The following SAMSN1 variants were observed in gnomAD, a reference collection of about 807,000 sequenced individuals.
SAMSN1 encodes the protein SAM domain, SH3 domain and nuclear localization signals 1.
In SAMSN1, 31 loss-of-function variants were observed where a neutral mutation model predicts 42.0. The ratio of observed to expected loss-of-function variants is 0.74; its 90% confidence interval spans 0.55 to 1.00. The LOEUF is 1.00. Ranked by LOEUF, SAMSN1 falls within the 50% of genes least tolerant of loss-of-function variation. The pLI is 0.00. For synonymous variants in SAMSN1, 178 were observed against 151.9 expected, an observed-to-expected ratio of 1.17 and a Z score of -1.26; for missense variants, 464 against 439.4, an observed-to-expected ratio of 1.06 and a Z score of -0.50.
chr21:14,525,983 G>GC (rs952804825), intron 1 of SAMSN1, among the ~76,000 whole-genome samples: 12 of 151,792 alleles, frequency 7.9e-5, no homozygotes, highest in East Asian at 3.9e-4. Flanking sequence ...TCCTGCCTCA[G>GC]CCCCCCCGAG....
At chr21:14,502,247 A>C (rs182613782) in intron 5 of SAMSN1, among the ~76,000 whole-genome samples, 1 of 133,848 alleles carries the variant, frequency 7.5e-6, no homozygotes. Flanking sequence ...TAGTCCTGTG[A>C]TCTGTTAGGC....
chr21:14,641,599 C>G (rs455520), intron 2 of SAMSN1, among the ~76,000 whole-genome samples: 2 of 151,958 alleles, frequency 1.3e-5, no homozygotes, highest in Admixed American at 6.6e-5. Context: ...ATGTATACAT[C>G]TATTACCTTA....
chr21:14,569,678 G>T (rs1190983862), intron 2 of SAMSN1, among the ~76,000 whole-genome samples: 3 of 152,114 alleles, frequency 2.0e-5, no homozygotes, highest in Non-Finnish European at 4.4e-5. Flanking sequence ...CACATAAAAT[G>T]GGAACTGGCC....
intron 7 of SAMSN1, chr21:14,495,938 C>T (rs1986899072): frequency 6.6e-6 from 1 of 151,826 alleles, no homozygotes; most frequent in Admixed American, 6.6e-5. Context: ...AATAATTTTA[C>T]CATCTATGAA....
upstream of SAMSN1, among the ~76,000 whole-genome samples, chr21:14,587,614 A>G (rs1474018468): frequency 6.6e-6 from 1 of 152,074 alleles, no homozygotes; most frequent in Non-Finnish European, 1.5e-5. Context: ...ATGCACACAT[A>G]CCACTTTTAA....
chr21:14,531,468 G>A lies in SAMSN1; in HGVS notation c.58-10247C>T, dbSNP rs147298042. ...AGCAATTTCTTTCAGGATCTTAGAT[G>A]TAAGCTTTTTTTTTTCTTTTCAATA... On this transcript the variant is annotated intron_variant, in intron 1 of 7. Transcript: ENST00000400566. Among the ~76,000 whole-genome samples, 4 of 151,860 alleles carry A rather than the reference G, an allele frequency of 2.6e-5. No individual in the cohort carries two copies. In the East Asian group the frequency reaches 7.7e-4, roughly 29 times the overall value.
intron 1 of SAMSN1, among the ~76,000 whole-genome samples, chr21:14,647,883 T>G (rs1983749093): frequency 6.6e-6 from 1 of 151,492 alleles, no homozygotes; most frequent in Non-Finnish European, 1.5e-5. Context: ...AAGGAGATTT[T>G]GGGCTGAGAC....
chr21:14,629,208 G>A (rs190653705), intron 2 of SAMSN1, among the ~76,000 whole-genome samples: 5 of 152,098 alleles, frequency 3.3e-5, no homozygotes, highest in African/African-American at 1.2e-4. Flanking sequence ...CCTTCTTCAA[G>A]CCCTAATACT....
chr21:14,512,333 A>T lies in SAMSN1; in HGVS notation c.409+111T>A, dbSNP rs1314342354. ...ATTTAATATATCTTACATTTTTACC[A>T]TTTCTCTTATCAAGTAGCTGGAACC... On this transcript the variant is annotated intron_variant, in intron 4 of 7. Coordinates refer to ENST00000400566, the MANE Select transcript of SAMSN1 (RefSeq NM_022136.5). 4.6e-6 allele frequency: 5 copies of T among 1,085,730 alleles called. No homozygotes were observed. In the Admixed American group the frequency reaches 6.1e-5, roughly 13 times the overall value. 67.3% of individuals were successfully genotyped at this position (1,085,730 alleles called of 1,614,324 possible).
Position 14,582,577 on chromosome 21 carries a change from C to T in SAMSN1, c.-92-89G>A, listed in dbSNP as rs377414544. The T allele has an allele frequency of 1.1e-4, 60 of 562,416 alleles. 6 individuals are homozygous for T. Among genetic ancestry groups the T allele is most frequent in the Admixed American group, 9.6e-4 (30 of 31,262 alleles). The allele number at this position is 562,416 out of a possible 1,614,324, so 34.8% of individuals were successfully genotyped here. A position where few individuals can be genotyped will look rare whatever the true frequency, so the allele number is the denominator to read the frequency against. ...TCCATTTATATAAGAGAAATAAATA[C>T]ACTGCAATGGATAAACCAAGAAGTC... is the stretch of plus-strand genomic sequence containing the variant. On this transcript the variant is annotated intron_variant, in intron 1 of 8. Transcript: ENST00000285670.
At chr21:14,578,782 C>G (rs1443255733) in intron 2 of SAMSN1, among the ~76,000 whole-genome samples, 2 of 150,866 alleles carry the variant, frequency 1.3e-5, no homozygotes, top group Admixed American at 1.3e-4. Context: ...GATTCATTTC[C>G]CATGAAATGT....
intron 1 of SAMSN1, among the ~76,000 whole-genome samples, chr21:14,533,094 A>AT (rs929012901): frequency 4.1e-4 from 62 of 151,720 alleles, no homozygotes; most frequent in African/African-American, 1.4e-3. Context: ...TATTTTTTTT[A>AT]TTTTTTGTAG....
At position 14,648,263 on chromosome 21, in the gene SAMSN1, T is replaced by A. The variant is rs184497765; in HGVS notation, c.25-5130A>T. On this transcript the variant is annotated intron_variant, in intron 1 of 15. Transcript: ENST00000647101. ...CCCTTCCTTACACCTTATCCAAAAA[T>A]CAATTCAAGATGGATTAAAGACTTA... Among the ~76,000 whole-genome samples, 96 of 152,244 alleles carry A rather than the reference T, an allele frequency of 6.3e-4. 2 individuals carry two copies. The highest frequency in any genetic ancestry group is 6.0e-3 in the South Asian group (29 of 4,826).
chr21:14,584,250 AAAC>A (rs1193484433), upstream of SAMSN1, among the ~76,000 whole-genome samples: 4 of 152,214 alleles, frequency 2.6e-5, no homozygotes, highest in African/African-American at 9.6e-5. Flanking sequence ...ATTTGTGGAC[AAAC>A]AACATTTGTT....
chr21:14,598,103 C>A (rs1458319335), intron 6 of SAMSN1: 1 of 152,096 alleles, frequency 6.6e-6, no homozygotes, highest in Admixed American at 6.6e-5. Context: ...ATTAGCAACA[C>A]TTTTTCTCAG....
intron 7 of SAMSN1, among the ~76,000 whole-genome samples, chr21:14,490,877 G>T (rs1986655463): frequency 6.6e-6 from 1 of 152,098 alleles, no homozygotes; most frequent in Non-Finnish European, 1.5e-5. Context: ...CTTCCACTGT[G>T]CTAGGAACTT....
At chr21:14,506,649 T>A (rs182908708) in intron 5 of SAMSN1, among the ~76,000 whole-genome samples, 1 of 152,120 alleles carries the variant, frequency 6.6e-6, no homozygotes, top group Admixed American at 6.5e-5. Flanking sequence ...ATTGACACTA[T>A]CCCACAAGAT....
chr21:14,611,543 G>A (rs73891896), intron 4 of SAMSN1, among the ~76,000 whole-genome samples: 88 of 152,318 alleles, frequency 5.8e-4, no homozygotes, highest in African/African-American at 2.0e-3. Context: ...AACTGTGTTA[G>A]GATAGAAATA....
chr21:14,569,426 G>C (rs1981221731), intron 2 of SAMSN1, among the ~76,000 whole-genome samples: 1 of 152,006 alleles, frequency 6.6e-6, no homozygotes. Context: ...TTGCTGTTTT[G>C]GGTTATTTCC....
Sources: allele counts gnomAD v4.1 joint callset (sites outside exome capture counted in the v4.1 genomes callset), GRCh38; gene constraint gnomAD v4.1.1; transcripts MANE v1.5; gene names NCBI Gene and HGNC (gene_info 2026-07-23, HGNC 2026-07-21).